The following DBF4B variants were observed in gnomAD, a reference collection of about 807,000 sequenced individuals.
DBF4B encodes the protein DBF4B-CDC7 kinase regulatory subunit.
A neutral mutation model predicts 53.4 loss-of-function variants in DBF4B; 49 were observed. The observed-to-expected ratio is 0.92, with a 90% CI of 0.73 to 1.16. The LOEUF is 1.16. Among genes scored for constraint, DBF4B ranks in the 50% most tolerant of loss-of-function variants. The pLI is 0.00. For synonymous variants in DBF4B, 257 were observed against 288.7 expected, an observed-to-expected ratio of 0.89 and a Z score of 1.11; for missense variants, 692 against 775.0, an observed-to-expected ratio of 0.89 and a Z score of 1.27.
At chr17:44,712,301 CTTTTTTTT>C (rs1163777667) in intron 2 of DBF4B, among the ~76,000 whole-genome samples, 3 of 71,912 alleles carry the variant, frequency 4.2e-5, no homozygotes, top group Admixed American at 4.5e-4. Context: ...ATTATGTCTT[CTTTTTTTT>C]TTTTTTTTTT....
chr17:44,714,602 T>C (rs993378527), intron 2 of DBF4B, among the ~76,000 whole-genome samples: 1 of 151,708 alleles, frequency 6.6e-6, no homozygotes, highest in African/African-American at 2.4e-5. Context: ...GTAATTATTA[T>C]AACTGTAAAA....
At chr17:44,730,174 G>T in intron 4 of DBF4B, 78 bp downstream of exon 4, 1 of 1,429,898 alleles carries the variant, frequency 7.0e-7, no homozygotes, top group South Asian at 1.3e-5. Context: ...GGCAGTCTCT[G>T]GTTTTAATTT....
chr17:44,715,458 A>G (rs1248283924), intron 2 of DBF4B, among the ~76,000 whole-genome samples: 1 of 151,962 alleles, frequency 6.6e-6, no homozygotes, highest in East Asian at 1.9e-4. Context: ...CAGCCTCCCA[A>G]AGTGCTGGGA....
In DBF4B at chr17:44,749,452, C is replaced by T. The variant is rs1242432558; in HGVS notation, c.1189+987C>T. ...CAGGAGGGGCAGAACCCCAGGACTTCCCCAAAAGAGCTAGAAGGAGGCCCG... is the reference window on the plus strand; with the variant it reads ...CAGGAGGGGCAGAACCCCAGGACTTTCCCAAAAGAGCTAGAAGGAGGCCCG... On this transcript the variant is annotated intron_variant, in intron 13 of 13. Coordinates refer to ENST00000315005, the MANE Select transcript of DBF4B (RefSeq NM_145663.3). This position sits in a 1 kb window ranked among gnomAD's most constrained non-coding sequence, Gnocchi z 4.4. 7.8e-7 allele frequency: 1 copy of T among 1,289,010 alleles called. No homozygotes were observed. Among genetic ancestry groups the T allele is most frequent in the African/African-American group, 1.5e-5 (1 of 65,864 alleles). The allele number at this position is 1,289,010 out of a possible 1,614,324, so 79.8% of individuals were successfully genotyped here. A position where few individuals can be genotyped will look rare whatever the true frequency, so the allele number is the denominator to read the frequency against.
At chr17:44,745,161 C>T (rs543909051) in intron 10 of DBF4B, among the ~76,000 whole-genome samples, 8 of 152,004 alleles carry the variant, frequency 5.3e-5, no homozygotes, top group African/African-American at 1.7e-4. Flanking sequence ...CGAACTCCTG[C>T]GCCCAAGTGA....
At chr17:44,717,560 T>A (rs1973432394) in intron 2 of DBF4B, among the ~76,000 whole-genome samples, 1 of 151,766 alleles carries the variant, frequency 6.6e-6, no homozygotes, top group South Asian at 2.1e-4. Flanking sequence ...TACAAAAAAA[T>A]TAGCTGGATG....
At chr17:44,729,001 CAGG>C (rs1449660918) in intron 3 of DBF4B, among the ~76,000 whole-genome samples, 1 of 150,270 alleles carries the variant, frequency 6.7e-6, no homozygotes, top group African/African-American at 2.5e-5. Context: ...GAGGCTGAGG[CAGG>C]AGAATTGCTT....
intron 8 of DBF4B, among the ~76,000 whole-genome samples, 164 bp from the exon 9 acceptor site, chr17:44,738,215 G>A (rs1472681203): frequency 1.3e-5 from 2 of 152,254 alleles, no homozygotes; most frequent in African/African-American, 4.8e-5. Flanking sequence ...AGAGGCTGGA[G>A]ATCTGAGTGA....
chr17:44,731,099 A>G (rs1974795555), intron 5 of DBF4B, 84 bp downstream of exon 5: 1 of 1,509,418 alleles, frequency 6.6e-7, no homozygotes, highest in Admixed American at 1.7e-5. Context: ...CTTCTGAAGC[A>G]CCCACACAAA....
In DBF4B at chr17:44,751,448, A is replaced by G; in HGVS notation, c.*195A>G. The G allele has an allele frequency of 7.1e-7, 1 of 1,416,196 alleles. No individual in the cohort carries two copies. The highest frequency in any genetic ancestry group is 3.0e-5 in the Admixed American group (1 of 33,268). 87.7% of individuals were successfully genotyped at this position (1,416,196 alleles called of 1,614,324 possible). On this transcript the variant is annotated 3_prime_UTR_variant, in exon 14 of 14. Coordinates refer to ENST00000315005, the MANE Select transcript of DBF4B (RefSeq NM_145663.3). ...CTTATCTTGCAGTCAGTCCCTTTTC[A>G]ACATGTTGCCGTTTCTTTCTGAAGA...
chr17:44,731,833 C>T (rs529579085), intron 5 of DBF4B: 3 of 215,350 alleles, frequency 1.4e-5, no homozygotes, highest in East Asian at 1.2e-4. Context: ...TGATGGTCAC[C>T]GTGTTTGTTG....
intron 7 of DBF4B, among the ~76,000 whole-genome samples, chr17:44,734,747 G>A (rs938192118): frequency 2.0e-5 from 3 of 152,184 alleles, no homozygotes; most frequent in Non-Finnish European, 4.4e-5. Flanking sequence ...GGCACAGGAC[G>A]AACAGTAATA....
chr17:44,717,734 G>A (rs1973451241), intron 2 of DBF4B, among the ~76,000 whole-genome samples: 1 of 151,820 alleles, frequency 6.6e-6, no homozygotes, highest in African/African-American at 2.4e-5. Flanking sequence ...AATCCAGGGG[G>A]CTAGGCGTGT....
At chr17:44,715,886 G>A (rs1340004518) in intron 2 of DBF4B, among the ~76,000 whole-genome samples, 2 of 126,180 alleles carry the variant, frequency 1.6e-5, no homozygotes, top group African/African-American at 6.3e-5. Flanking sequence ...GCAATGGCGC[G>A]ATCTCAGCTC....
intron 13 of DBF4B, chr17:44,750,388 G>T: frequency 7.3e-7 from 1 of 1,373,912 alleles, no homozygotes. Context: ...AGGAAGAAGG[G>T]GGGGCCCAGC....
rs1427551524 is a variant in DBF4B, at chr17:44,734,140, AAAC to A, written c.612_614del (p.Gln205del). ...GTCTCTTGCGTCTTTATGTGTGAAA[AAAC>A]AACAGCCAAAGAAGCCAGAGGTAGG... On this transcript the variant is annotated inframe_deletion, in exon 7 of 14. Coordinates refer to ENST00000315005, the MANE Select transcript of DBF4B (RefSeq NM_145663.3). 24 of 1,614,196 alleles carry A rather than the reference AAAC, an allele frequency of 1.5e-5. No individual in the cohort carries two copies. The highest frequency in any genetic ancestry group is 2.7e-5 in the African/African-American group (2 of 75,048).
At chr17:44,735,554 C>T (rs1975319349) in intron 7 of DBF4B, among the ~76,000 whole-genome samples, 1 of 152,086 alleles carries the variant, frequency 6.6e-6, no homozygotes, top group Non-Finnish European at 1.5e-5. Context: ...CCTGTAATCC[C>T]AGCTACTTGG....
At chr17:44,748,487 C>G (rs758093339) in intron 13 of DBF4B, 22 bp downstream of exon 13, 2 of 1,613,498 alleles carry the variant, frequency 1.2e-6, no homozygotes, top group Non-Finnish European at 1.7e-6. Context: ...CAGGATGGGA[C>G]AGTGGACAGC....
At chr17:44,744,191 C>G (rs1032382404) in intron 10 of DBF4B, among the ~76,000 whole-genome samples, 19 of 147,974 alleles carry the variant, frequency 1.3e-4, no homozygotes, top group African/African-American at 4.5e-4. Context: ...GCAGGTGGAT[C>G]ACTTGAGCTC....
Sources: gnomAD v4.1 joint callset for allele counts (sites outside exome capture counted in the v4.1 genomes callset) on GRCh38, gnomAD v4.1.1 for gene constraint, Gnocchi (gnomAD v3.1) non-coding constraint, MANE v1.5 for transcripts, NCBI Gene and HGNC (gene_info 2026-07-23, HGNC 2026-07-21) for gene names.